ADK: variants seen among roughly 807,000 people sequenced by gnomAD.
ADK encodes adenosine kinase, also known as N6,N6-dimethyladenosine kinase.
In ADK, 24 loss-of-function variants were observed where a neutral mutation model predicts 44.7. The ratio of observed to expected loss-of-function variants is 0.54; its 90% CI spans 0.39 to 0.76. The LOEUF is 0.76. Ranked by LOEUF, ADK falls within the 30% of genes least tolerant of loss-of-function variation. The pLI is 0.00. For missense variants in ADK, 321 were observed against 425.1 expected, an observed-to-expected ratio of 0.76 and a Z score of 2.15; for synonymous variants, 128 against 142.6, an observed-to-expected ratio of 0.90 and a Z score of 0.73.
chr10:74,513,276 A>G lies in ADK; in HGVS notation c.556-11980A>G, dbSNP rs531771526. ...TATAAATATCTGTTGTATTTAGTCT[A>G]TGGTGCAGTTTAACTCTGATGTTTC... On this transcript the variant is annotated intron_variant, in intron 6 of 10. Coordinates refer to ENST00000539909, the MANE Select transcript of ADK (RefSeq NM_006721.4). Among the ~76,000 whole-genome samples, 11 of 152,264 alleles carry G rather than the reference A, an allele frequency of 7.2e-5. No individual in the cohort carries two copies. The East Asian group carries it at 2.1e-3, about 29-fold the overall frequency.
At position 74,356,002 on chromosome 10, in the gene ADK, A is replaced by ATATTGGTTTTTTTTTT. The variant is rs57958159; in HGVS notation, c.274-38138_274-38137insATTGGTTTTTTTTTTT. Among the ~76,000 whole-genome samples, 3 of 83,310 alleles carry ATATTGGTTTTTTTTTT rather than the reference A, an allele frequency of 3.6e-5. 1 individual carries two copies. The highest frequency in any genetic ancestry group is 2.2e-5 in the Non-Finnish European group (1 of 45,692). 54.7% of individuals were successfully genotyped at this position (83,310 alleles called of 152,430 possible). A position where few individuals can be genotyped will look rare whatever the true frequency, so the allele number is the denominator to read the frequency against. On this transcript the variant is annotated intron_variant, in intron 4 of 10. Transcript: ENST00000539909. ...TCTGAAATATTTCACTAAATAATTC[A>ATATTGGTTTTTTTTTT]TTTTTTTTTTTTTTTTTTTTTTTTT...
At chr10:74,269,562 T>C (rs1846347726) in intron 3 of ADK, among the ~76,000 whole-genome samples, 1 of 152,234 alleles carries the variant, frequency 6.6e-6, no homozygotes. Context: ...TGTTTATTAT[T>C]CTGTACTATG....
At chr10:74,613,821 A>G (rs1044257988) in intron 9 of ADK, among the ~76,000 whole-genome samples, 1 of 152,154 alleles carries the variant, frequency 6.6e-6, no homozygotes, top group South Asian at 2.1e-4. Flanking sequence ...TCAAAATATT[A>G]ATATAAATCA....
chr10:74,476,400 G>A (rs1202361038), intron 6 of ADK, among the ~76,000 whole-genome samples: 1 of 151,906 alleles, frequency 6.6e-6, no homozygotes, highest in Non-Finnish European at 1.5e-5. Flanking sequence ...GCTGAGGCAA[G>A]AGAATTGCTT....
At chr10:74,298,805 A>T (rs1348415579) in intron 3 of ADK, among the ~76,000 whole-genome samples, 9 of 152,220 alleles carry the variant, frequency 5.9e-5, no homozygotes, top group Non-Finnish European at 5.9e-5. Flanking sequence ...TTAGCCAGGC[A>T]TGGTGGTGTG....
chr10:74,184,849 T>C (rs1240118085), intron 1 of ADK, among the ~76,000 whole-genome samples: 1 of 152,240 alleles, frequency 6.6e-6, no homozygotes, highest in Non-Finnish European at 1.5e-5. Context: ...GACCATAAGA[T>C]AATGGAATTT....
At chr10:74,352,603 A>G (rs1391708485) in intron 4 of ADK, among the ~76,000 whole-genome samples, 3 of 152,250 alleles carry the variant, frequency 2.0e-5, no homozygotes, top group Non-Finnish European at 4.4e-5. Flanking sequence ...GAGCTTCTAC[A>G]CAGCGAAAGA....
intron 10 of ADK, among the ~76,000 whole-genome samples, chr10:74,699,835 A>C (rs1042670840): frequency 6.6e-6 from 1 of 152,224 alleles, no homozygotes; most frequent in Non-Finnish European, 1.5e-5. Flanking sequence ...AATTATACTG[A>C]AATATTTCTA....
chr10:74,335,268 T>C (rs2131857777), intron 4 of ADK, among the ~76,000 whole-genome samples: 1 of 152,314 alleles, frequency 6.6e-6, no homozygotes, highest in East Asian at 1.9e-4. Context: ...ATTTATTTAT[T>C]TTTTTGGCTT....
At chr10:74,630,170 A>G (rs1589313834) in intron 9 of ADK, among the ~76,000 whole-genome samples, 1 of 152,172 alleles carries the variant, frequency 6.6e-6, no homozygotes, top group Admixed American at 6.5e-5. Context: ...TTAGCATTTT[A>G]TATAACCAGA....
chr10:74,646,721 G>A (rs1383934578), intron 9 of ADK, among the ~76,000 whole-genome samples: 3 of 152,222 alleles, frequency 2.0e-5, no homozygotes, highest in South Asian at 2.1e-4. Flanking sequence ...CAGCAGTTTC[G>A]CAGTGCAAAA....
At chr10:74,600,277 G>A in intron 8 of ADK, 102 bp from the exon 9 acceptor site, 1 of 720,930 alleles carries the variant, frequency 1.4e-6, no homozygotes, top group African/African-American at 1.8e-5. Flanking sequence ...TAGATATGCA[G>A]GTCTCTTATT....
intron 9 of ADK, among the ~76,000 whole-genome samples, chr10:74,648,453 G>A (rs1854131352): frequency 6.6e-6 from 1 of 152,148 alleles, no homozygotes; most frequent in Admixed American, 6.5e-5. Context: ...GCCAAGGCAG[G>A]CAGATCATGA....
intron 3 of ADK, among the ~76,000 whole-genome samples, chr10:74,273,864 T>G (rs1846546858): frequency 6.6e-6 from 1 of 152,236 alleles, no homozygotes; most frequent in Non-Finnish European, 1.5e-5. Flanking sequence ...GGCAGGCGTA[T>G]CGGCTTCATG....
chr10:74,464,707 G>A (rs1315830495), intron 6 of ADK, among the ~76,000 whole-genome samples: 2 of 152,064 alleles, frequency 1.3e-5, no homozygotes, highest in Non-Finnish European at 2.9e-5. Flanking sequence ...AGCAGGCCAG[G>A]CACAGTGGCT....
intron 9 of ADK, chr10:74,655,695 G>C: frequency 2.1e-6 from 1 of 477,420 alleles, no homozygotes; most frequent in South Asian, 1.7e-5. Context: ...ATCCGTGGCA[G>C]AGCTGCCCAG....
chr10:74,168,552 G>A (rs191638331), intron 1 of ADK, among the ~76,000 whole-genome samples: 17,679 of 119,846 alleles, frequency 0.15, 1,341 homozygotes, highest in African/African-American at 0.22. Context: ...AAAAAAAAAA[G>A]AAAGAAAGAA....
intron 6 of ADK, among the ~76,000 whole-genome samples, chr10:74,406,595 T>G (rs989742560): frequency 6.6e-6 from 1 of 151,548 alleles, no homozygotes; most frequent in Non-Finnish European, 1.5e-5. Flanking sequence ...CATGTCTCAG[T>G]GATTCTGTTT....
intron 6 of ADK, among the ~76,000 whole-genome samples, chr10:74,437,761 C>A (rs1301919050): frequency 2.0e-5 from 3 of 152,226 alleles, no homozygotes; most frequent in African/African-American, 4.8e-5. Context: ...AAATCCCTCT[C>A]ATGGCTGCCA....
Sources: gnomAD v4.1 joint callset for allele counts (sites outside exome capture counted in the v4.1 genomes callset) on GRCh38, gnomAD v4.1.1 for gene constraint, MANE v1.5 for transcripts, NCBI Gene and HGNC (gene_info 2026-07-23, HGNC 2026-07-21) for gene names.